Variants in AKR1B15 observed in about 807,000 individuals in gnomAD.
AKR1B15 encodes the protein estradiol 17-beta-dehydrogenase AKR1B15.
In AKR1B15, 49 loss-of-function variants were observed where a neutral mutation model predicts 38.5. The ratio of observed to expected loss-of-function variants is 1.27; its 90% CI spans 1.01 to 1.62. The LOEUF (loss-of-function observed/expected upper bound fraction) is 1.62, where lower values mean the gene tolerates loss of function less well. Among genes scored for constraint, AKR1B15 ranks in the 40% most tolerant of loss-of-function variants. The probability of loss-of-function intolerance (pLI) is 0.00; values close to 1 mark genes in which losing one functional copy is unlikely to be tolerated. For missense variants in AKR1B15, 411 were observed against 381.6 expected (o/e 1.08, Z -0.64); for synonymous variants, 137 against 135.5 (o/e 1.01, Z -0.08).
intron 2 of AKR1B15, among the ~76,000 whole-genome samples, chr7:134,560,627 T>TTTATTC (rs1297564984): frequency 1.6e-4 from 25 of 152,242 alleles, no homozygotes; most frequent in Admixed American, 3.3e-4. Context: ...TACACATTTC[T>TTTATTC]TTATTCTGTG....
chr7:134,576,365 C>A lies in AKR1B15; in HGVS notation c.760C>A (p.Pro254Thr), dbSNP rs779111298. 15 of 1,614,102 alleles carry A rather than the reference C, an allele frequency of 9.3e-6. No individual in the cohort carries two copies. Among genetic ancestry groups the A allele is most frequent in the Non-Finnish European group, 1.3e-5 (15 of 1,179,972 alleles). The change falls in exon 9 of 12, where the codon CCT (proline) becomes ACT (threonine). Residue 254 changes from proline to threonine, a missense_variant. Around this residue, in one of 3 missense-constraint regions of AKR1B15, gnomAD observed 133 missense variants for 120.3 expected, o/e 1.11. Coordinates refer to ENST00000457545, the MANE Select transcript of AKR1B15 (RefSeq NM_001080538.3). Reference protein sequence around the residue: ...PDRPWAKPEDPSLLEDPKIKE... With the variant: ...PDRPWAKPEDTSLLEDPKIKE... The stretch of plus-strand genomic sequence containing the variant: ...TGCCCCTAGGGCCAAACCTGAGGAC[C>A]CTTCCCTGCTGGAGGATCCCAAGAT...
chr7:134,568,033 C>A, intron 3 of AKR1B15, 125 bp from the exon 4 acceptor site: 1 of 1,173,004 alleles, frequency 8.5e-7, no homozygotes, highest in Non-Finnish European at 1.2e-6. Context: ...GGTGTAATTC[C>A]AGCTACTCAG....
chr7:134,569,119 G>C (rs1794608964), intron 4 of AKR1B15, among the ~76,000 whole-genome samples: 1 of 152,238 alleles, frequency 6.6e-6, no homozygotes, highest in African/African-American at 2.4e-5. Context: ...CTGAGGAAGA[G>C]ACTGAGACAG....
At chr7:134,560,129 C>G (rs1218621348) in intron 2 of AKR1B15, among the ~76,000 whole-genome samples, 2 of 151,738 alleles carry the variant, frequency 1.3e-5, no homozygotes, top group East Asian at 3.9e-4. Context: ...AAACTATTAG[C>G]GAAAATTCCT....
intron 2 of AKR1B15, among the ~76,000 whole-genome samples, chr7:134,558,185 T>A (rs1465789122): frequency 6.6e-6 from 1 of 152,192 alleles, no homozygotes; most frequent in Non-Finnish European, 1.5e-5. Flanking sequence ...AAACAAGTTA[T>A]AGATAGTTGC....
At chr7:134,573,571 A>T in intron 6 of AKR1B15, 1 of 983,934 alleles carries the variant, frequency 1.0e-6, no homozygotes, top group Non-Finnish European at 1.2e-6. Context: ...ACCCACAACC[A>T]GTTCAGTAGA....
intron 2 of AKR1B15, among the ~76,000 whole-genome samples, chr7:134,562,877 TC>T: frequency 7.0e-6 from 1 of 143,418 alleles, no homozygotes. Context: ...TTTCTTTCTT[TC>T]TTTCTTTCTT....
At chr7:134,576,822 C>T (rs1794776468) in intron 9 of AKR1B15, 141 bp from the exon 10 acceptor site, 2 of 774,396 alleles carry the variant, frequency 2.6e-6, no homozygotes, top group African/African-American at 1.7e-5. Context: ...TGGCACAAGT[C>T]TAATAGCTGT....
chr7:134,569,674 T>A (rs1332024253), intron 5 of AKR1B15, 145 bp downstream of exon 5: 1 of 829,744 alleles, frequency 1.2e-6, no homozygotes, highest in African/African-American at 1.7e-5. Flanking sequence ...CCCACATTAA[T>A]GTTTTTATAA....
Position 134,566,951 on chromosome 7 carries a change from A to T in AKR1B15, c.151-1207A>T, listed in dbSNP as rs187803434. ...TCTCCAGGGAATCTGCTCACCCTTC[A>T]TAAGTTTACTAGACAGTTTCAGAAT... On this transcript the variant is annotated intron_variant, in intron 3 of 11. Transcript: ENST00000457545. Among the ~76,000 whole-genome samples the T allele has an allele frequency of 4.6e-5, 7 of 152,348 alleles. No homozygotes were observed. In the East Asian group the frequency reaches 9.6e-4, roughly 21 times the overall value.
At chr7:134,565,094 AC>A in intron 3 of AKR1B15, 1 of 302,064 alleles carries the variant, frequency 3.3e-6, no homozygotes, top group Non-Finnish European at 6.2e-6. Context: ...AAAGCTGGCC[AC>A]CCCAGTCAGC....
intron 3 of AKR1B15, among the ~76,000 whole-genome samples, chr7:134,566,583 G>A (rs1335121441): frequency 6.6e-6 from 1 of 152,122 alleles, no homozygotes; most frequent in Non-Finnish European, 1.5e-5. Flanking sequence ...TGCCTTCTTT[G>A]CCATTTCCAT....
At chr7:134,562,375 T>C (rs1346115259) in intron 2 of AKR1B15, among the ~76,000 whole-genome samples, 1 of 152,148 alleles carries the variant, frequency 6.6e-6, no homozygotes, top group Admixed American at 6.5e-5. Context: ...TTAATTCCCT[T>C]ATTTGTCCCT....
chr7:134,561,546 A>C (rs1794392981), intron 2 of AKR1B15, among the ~76,000 whole-genome samples: 1 of 152,228 alleles, frequency 6.6e-6, no homozygotes, highest in African/African-American at 2.4e-5. Context: ...TAATTTAACA[A>C]ACATCAATGA....
intron 6 of AKR1B15, chr7:134,573,638 T>TTTCCCGTA: frequency 2.7e-6 from 2 of 751,152 alleles, no homozygotes; most frequent in Non-Finnish European, 3.2e-6. Context: ...GAAGTCAAGT[T>TTTCCCGTA]TTAATACGGG....
At chr7:134,576,522 G>C in intron 9 of AKR1B15, 92 bp downstream of exon 9, 2 of 1,459,440 alleles carry the variant, frequency 1.4e-6, no homozygotes, top group Non-Finnish European at 1.9e-6. Flanking sequence ...ACTCCTTAAA[G>C]GGGAAGAACA....
chr7:134,563,450 A>G (rs1243056620), intron 2 of AKR1B15, among the ~76,000 whole-genome samples: 1 of 152,184 alleles, frequency 6.6e-6, no homozygotes, highest in African/African-American at 2.4e-5. Context: ...CAGGATGCTG[A>G]GGCAGGAGAA....
intron 10 of AKR1B15, among the ~76,000 whole-genome samples, chr7:134,577,358 C>T (rs2117674090): frequency 6.6e-6 from 1 of 152,296 alleles, no homozygotes; most frequent in East Asian, 1.9e-4. Context: ...GCAGACTGTC[C>T]TGGCCTACCT....
intron 4 of AKR1B15, 142 bp downstream of exon 4, chr7:134,568,467 A>G (rs1398924321): frequency 4.8e-6 from 6 of 1,261,240 alleles, no homozygotes; most frequent in Non-Finnish European, 5.5e-6. Flanking sequence ...TGGATACAAT[A>G]CTATCCATAC....
Sources: allele counts gnomAD v4.1 joint callset (sites outside exome capture counted in the v4.1 genomes callset), GRCh38; gene constraint gnomAD v4.1.1; regional missense constraint gnomAD v4.1.1; transcripts MANE v1.5; gene names NCBI Gene and HGNC (gene_info 2026-07-23, HGNC 2026-07-21).